TTC28: variants seen among roughly 807,000 people sequenced by gnomAD.
TTC28 encodes the protein tetratricopeptide repeat domain 28.
A neutral mutation model predicts 198.0 loss-of-function variants in TTC28; 61 were observed. The ratio of observed to expected loss-of-function variants is 0.31; its 90% CI spans 0.25 to 0.38. The LOEUF is 0.38. Among genes scored for constraint, TTC28 ranks in the 10% least tolerant of loss-of-function variants. The pLI, the probability that TTC28 is intolerant of heterozygous loss-of-function variation, is 1.00. For synonymous variants in TTC28, 1,171 were observed against 1,297.8 expected (o/e 0.90, Z 2.10); for missense variants, 2,678 against 3,164.0 (o/e 0.85, Z 3.69).
chr22:28,604,669 G>T (rs1304013720), intron 2 of TTC28, among the ~76,000 whole-genome samples: 1 of 152,090 alleles, frequency 6.6e-6, no homozygotes, highest in East Asian at 1.9e-4. Context: ...GCTTGAACCC[G>T]GGAGGCAGAG....
At chr22:28,567,187 C>T (rs867066502) in intron 2 of TTC28, among the ~76,000 whole-genome samples, 2 of 140,536 alleles carry the variant, frequency 1.4e-5, no homozygotes, top group African/African-American at 5.3e-5. Flanking sequence ...TGCACTCTGG[C>T]TTGGGCGACA....
intron 12 of TTC28, among the ~76,000 whole-genome samples, chr22:28,074,108 C>G (rs1941088571): frequency 6.6e-6 from 1 of 151,980 alleles, no homozygotes; most frequent in Non-Finnish European, 1.5e-5. Context: ...TCAACCAGTT[C>G]AAAGAGAAAC....
intron 2 of TTC28, among the ~76,000 whole-genome samples, chr22:28,435,276 AAAGGG>A (rs1454805613): frequency 6.6e-6 from 1 of 152,232 alleles, no homozygotes; most frequent in Non-Finnish European, 1.5e-5. Context: ...AATGTGCTGA[AAAGGG>A]AATACAGTTA....
At chr22:28,489,315 AC>A (rs1298845573) in intron 2 of TTC28, among the ~76,000 whole-genome samples, 1 of 144,646 alleles carries the variant, frequency 6.9e-6, no homozygotes, top group East Asian at 2.0e-4. Flanking sequence ...AAAAAAAAAA[AC>A]ACACACATTA....
chr22:28,554,920 C>A (rs2049763748), intron 2 of TTC28, among the ~76,000 whole-genome samples: 1 of 152,028 alleles, frequency 6.6e-6, no homozygotes, highest in Non-Finnish European at 1.5e-5. Context: ...AACAGACAAT[C>A]CACGGAGTGA....
In TTC28 at chr22:28,346,695, T is replaced by C. The variant is rs138670369; in HGVS notation, c.382-40052A>G. ...GTACATTTAATAGATCTCCAATCTC[T>C]GTAACGCAAGACTCTTTACATTCAG... On this transcript the variant is annotated intron_variant, in intron 2 of 22. Coordinates refer to ENST00000397906, the MANE Select transcript of TTC28 (RefSeq NM_001145418.2). Among the ~76,000 whole-genome samples, 14 of 152,290 alleles carry C rather than the reference T, an allele frequency of 9.2e-5. No homozygotes were observed. The East Asian group carries it at 2.5e-3, about 27-fold the overall frequency.
rs1317735799 is a variant in TTC28 at position 28,163,453 on chromosome 22, C to T, written c.1080G>A (p.Met360Ile). Residue 360 changes from methionine to isoleucine, a missense_variant, in exon 6 of 23, where the codon ATG becomes ATA. Met to Ile is a conservative substitution (Grantham distance 10). Transcript: ENST00000397906. ...CACCCATGGCAATATACACAGCTCC[C>T]ATGTTGCCAAGTTCTCGGGCTTCAG... ...ELSEARELGN[M>I]GAVYIAMGDF... 1 of 1,551,758 alleles carries T rather than the reference C, an allele frequency of 6.4e-7. No homozygotes were observed.
chr22:28,172,137 G>A (rs1922744653), intron 5 of TTC28, among the ~76,000 whole-genome samples: 3 of 152,074 alleles, frequency 2.0e-5, no homozygotes, highest in African/African-American at 7.2e-5. Context: ...TACCCTCAAA[G>A]CGAAACATGC....
At chr22:28,209,408 C>T (rs901362858) in intron 5 of TTC28, among the ~76,000 whole-genome samples, 4 of 152,144 alleles carry the variant, frequency 2.6e-5, no homozygotes, top group African/African-American at 7.2e-5. Flanking sequence ...CGTGACAGAC[C>T]GTACCTGGAA....
intron 5 of TTC28, among the ~76,000 whole-genome samples, chr22:28,234,496 C>T (rs1248090063): frequency 1.3e-5 from 2 of 152,044 alleles, no homozygotes; most frequent in Non-Finnish European, 2.9e-5. Context: ...CCTCAGCCTC[C>T]TGAGTAGCTG....
intron 8 of TTC28, among the ~76,000 whole-genome samples, chr22:28,102,838 T>G (rs766941327): frequency 6.6e-6 from 1 of 152,204 alleles, no homozygotes; most frequent in Non-Finnish European, 1.5e-5. Context: ...GCAAAAATAT[T>G]TGTAAATAAT....
chr22:28,358,099 T>A (rs1385634153), intron 2 of TTC28, among the ~76,000 whole-genome samples: 4 of 152,220 alleles, frequency 2.6e-5, no homozygotes, highest in African/African-American at 9.6e-5. Flanking sequence ...TAAAGTACCT[T>A]ATTTTGAGAA....
intron 5 of TTC28, among the ~76,000 whole-genome samples, chr22:28,241,618 G>T (rs9625438): frequency 0.097 from 14,674 of 151,888 alleles, 886 homozygotes; most frequent in Non-Finnish European, 0.13. Context: ...AATATATATA[G>T]AGAGAGAAAA....
At chr22:28,014,414 G>A (rs1163664108) in intron 13 of TTC28, 22 bp from the exon 14 acceptor site, 3 of 1,539,706 alleles carry the variant, frequency 1.9e-6, no homozygotes, top group Admixed American at 2.0e-5. Context: ...AGGGCCGAGG[G>A]ATCAATCAGG....
intron 17 of TTC28, among the ~76,000 whole-genome samples, chr22:27,994,214 C>T (rs771506837): frequency 2.6e-5 from 4 of 152,090 alleles, no homozygotes; most frequent in African/African-American, 9.7e-5. Context: ...GAGGCCAAGA[C>T]GGGCAGATCA....
At chr22:28,553,620 C>T (rs535127485) in intron 2 of TTC28, among the ~76,000 whole-genome samples, 6 of 151,784 alleles carry the variant, frequency 4.0e-5, no homozygotes, top group South Asian at 4.2e-4. Flanking sequence ...TGAGGAGCGT[C>T]TCCGCCCGGC....
Position 28,032,264 on chromosome 22 carries a change from TATAG to T in TTC28, c.3933-1902_3933-1899del, listed in dbSNP as rs1939158670. On this transcript the variant is annotated intron_variant, in intron 12 of 22. Transcript: ENST00000397906. ...TATATATATAAAATATATATATATATATAGTGTGTGTGTGTGTGTGTGTGTGTGT... is the reference window on the plus strand; with the variant it reads ...TATATATATAAAATATATATATATATTGTGTGTGTGTGTGTGTGTGTGTGT... 2.7e-4 allele frequency among the ~76,000 whole-genome samples: 21 copies of T among 78,458 alleles called. 1 individual carries two copies. Among genetic ancestry groups the T allele is most frequent in the African/African-American group, 1.3e-3 (20 of 15,426 alleles). 51.5% of individuals were successfully genotyped at this position (78,458 alleles called of 152,430 possible). A position where few individuals can be genotyped will look rare whatever the true frequency, so the allele number is the denominator to read the frequency against.
intron 12 of TTC28, among the ~76,000 whole-genome samples, chr22:28,092,869 C>T (rs925845543): frequency 2.0e-5 from 3 of 152,092 alleles, no homozygotes; most frequent in Non-Finnish European, 4.4e-5. Context: ...AAGAGAAGCA[C>T]GTGTGCAAGT....
chr22:28,112,775 C>T (rs1215924802), intron 6 of TTC28, among the ~76,000 whole-genome samples: 1 of 152,132 alleles, frequency 6.6e-6, no homozygotes, highest in East Asian at 1.9e-4. Flanking sequence ...CAGATGAAGA[C>T]TTACAGAGGG....
Sources: allele counts gnomAD v4.1 joint callset (sites outside exome capture counted in the v4.1 genomes callset), GRCh38; gene constraint gnomAD v4.1.1; transcripts MANE v1.5; gene names NCBI Gene and HGNC (gene_info 2026-07-23, HGNC 2026-07-21).